LUC7L3: variants seen among roughly 807,000 people sequenced by gnomAD.
LUC7L3 encodes the protein LUC7 like 3 pre-mRNA splicing factor, also known as luc7-like protein 3.
A neutral mutation model predicts 66.8 loss-of-function variants in LUC7L3; 6 were observed. That is an observed-to-expected ratio of 0.09 (90% CI 0.05 to 0.18). LUC7L3 has a LOEUF of 0.18. Among genes scored for constraint, LUC7L3 ranks in the 10% least tolerant of loss-of-function variants. The probability of loss-of-function intolerance (pLI) is 1.00; values close to 1 mark genes in which losing one functional copy is unlikely to be tolerated. For missense variants in LUC7L3, 341 were observed against 531.1 expected, an observed-to-expected ratio of 0.64 and a Z score of 3.52; for synonymous variants, 160 against 174.7, an observed-to-expected ratio of 0.92 and a Z score of 0.66.
chr17:50,732,335 A>G (rs1234222372), intron 1 of LUC7L3, among the ~76,000 whole-genome samples: 2 of 152,112 alleles, frequency 1.3e-5, no homozygotes, highest in African/African-American at 2.4e-5. Flanking sequence ...TTTTCTTCCA[A>G]TTTAGCAAAT....
intron 1 of LUC7L3, among the ~76,000 whole-genome samples, chr17:50,732,139 A>G (rs2146717193): frequency 6.6e-6 from 1 of 152,294 alleles, no homozygotes; most frequent in Middle Eastern, 3.4e-3. Flanking sequence ...TGTTAAGTAC[A>G]AAATCATCGA....
intron 5 of LUC7L3, among the ~76,000 whole-genome samples, chr17:50,742,872 A>G (rs908827362): frequency 5.3e-5 from 8 of 152,234 alleles, no homozygotes; most frequent in East Asian, 1.9e-4. Flanking sequence ...TGATGTATCT[A>G]TATGGTGGAA....
At chr17:50,741,324 CTT>C in intron 4 of LUC7L3, 78 bp downstream of exon 4, 2 of 1,392,664 alleles carry the variant, frequency 1.4e-6, no homozygotes, top group Non-Finnish European at 2.0e-6. Flanking sequence ...ATTTTTGAAA[CTT>C]GTCTTCTGTT....
Position 50,751,816 on chromosome 17 carries a change from A to G in LUC7L3, c.*1155A>G, listed in dbSNP as rs1970985993. On this transcript the variant is annotated 3_prime_UTR_variant, in exon 10 of 10. Transcript: ENST00000505658. The stretch of plus-strand genomic sequence containing the variant: ...AAATCAAAGAACTGATGCACTATAT[A>G]GAACGAATTTGGGTTTTTAAAGAAA... The G allele has an allele frequency of 9.8e-7, 1 of 1,017,088 alleles. No individual in the cohort carries two copies. Among genetic ancestry groups the G allele is most frequent in the African/African-American group, 1.7e-5 (1 of 57,550 alleles). 63.0% of individuals were successfully genotyped at this position (1,017,088 alleles called of 1,614,324 possible).
At chr17:50,726,994 C>T (rs1413177415) in intron 1 of LUC7L3, among the ~76,000 whole-genome samples, 1 of 151,976 alleles carries the variant, frequency 6.6e-6, no homozygotes, top group Non-Finnish European at 1.5e-5. Context: ...GAGGCTGAGG[C>T]AGGAGAATTT....
At chr17:50,746,304 GTTTTAA>G (rs1567876834) in intron 8 of LUC7L3, among the ~76,000 whole-genome samples, 1 of 152,166 alleles carries the variant, frequency 6.6e-6, no homozygotes, top group Non-Finnish European at 1.5e-5. Context: ...CAGCCATACT[GTTTTAA>G]TTATAATTAC....
In LUC7L3 at chr17:50,751,394, A is replaced by G; in HGVS notation, c.*733A>G. On this transcript the variant is annotated 3_prime_UTR_variant, in exon 10 of 10. Transcript: ENST00000505658. ...ATGCCAGGTACTCCTTTCTCTACCC[A>G]CATCCATGTTTGAATGCTATTGCCT... 1.5e-6 allele frequency: 2 copies of G among 1,291,272 alleles called. No homozygotes were observed. Among genetic ancestry groups the G allele is most frequent in the Non-Finnish European group, 2.0e-6 (2 of 990,002 alleles). 80.0% of individuals were successfully genotyped at this position (1,291,272 alleles called of 1,614,324 possible). A position where few individuals can be genotyped will look rare whatever the true frequency, so the allele number is the denominator to read the frequency against.
At chr17:50,745,384 T>C (rs1970604004) in intron 7 of LUC7L3, among the ~76,000 whole-genome samples, 1 of 152,224 alleles carries the variant, frequency 6.6e-6, no homozygotes, top group Non-Finnish European at 1.5e-5. Flanking sequence ...AACTATATTC[T>C]AATATGGCTT....
intron 1 of LUC7L3, among the ~76,000 whole-genome samples, chr17:50,720,282 A>G (rs1968658487): frequency 6.6e-6 from 1 of 152,272 alleles, no homozygotes; most frequent in Non-Finnish European, 1.5e-5. Context: ...CATGACGCTT[A>G]TACGGGGAAA....
chr17:50,755,480 GT>G lies in LUC7L3; in HGVS notation c.*4820del, dbSNP rs1382764181. On this transcript the variant is annotated 3_prime_UTR_variant, in exon 10 of 10. Coordinates refer to ENST00000505658, the MANE Select transcript of LUC7L3 (RefSeq NM_016424.5). ...TGTAGTTTTAAAAAGTACATTTCAAGTAAGCCAAAGCAGAGAAGTAAATGTA... is the reference window on the plus strand; with the variant it reads ...TGTAGTTTTAAAAAGTACATTTCAAGAAGCCAAAGCAGAGAAGTAAATGTA... 6.6e-6 allele frequency: 1 copy of G among 152,216 alleles called. No homozygotes were observed. The highest frequency in any genetic ancestry group is 1.5e-5 in the Non-Finnish European group (1 of 68,038). The allele number at this position is 152,216 out of a possible 1,614,324, so 9.4% of individuals were successfully genotyped here. A position where few individuals can be genotyped will look rare whatever the true frequency, so the allele number is the denominator to read the frequency against.
At chr17:50,728,131 A>G (rs886272030) in intron 1 of LUC7L3, among the ~76,000 whole-genome samples, 2 of 151,906 alleles carry the variant, frequency 1.3e-5, no homozygotes, top group African/African-American at 4.8e-5. Context: ...AAAAAAAAAA[A>G]AAAGTTTTTA....
intron 1 of LUC7L3, among the ~76,000 whole-genome samples, chr17:50,731,791 GATT>G (rs980701056): frequency 4.6e-5 from 7 of 152,154 alleles, no homozygotes; most frequent in Non-Finnish European, 8.8e-5. Flanking sequence ...GATTGGACTA[GATT>G]AGGTAGCTTC....
intron 1 of LUC7L3, among the ~76,000 whole-genome samples, chr17:50,727,827 C>T (rs28379483): frequency 3.7e-4 from 56 of 151,910 alleles, no homozygotes; most frequent in African/African-American, 1.2e-3. Flanking sequence ...TTTTATAGGC[C>T]GGGCGTGGTG....
intron 1 of LUC7L3, among the ~76,000 whole-genome samples, chr17:50,724,779 C>T (rs1310375881): frequency 2.7e-5 from 4 of 148,562 alleles, no homozygotes; most frequent in African/African-American, 5.0e-5. Flanking sequence ...TTTTTACCCC[C>T]GAGATGGAGT....
At chr17:50,733,245 T>C (rs1567863610) in intron 1 of LUC7L3, among the ~76,000 whole-genome samples, 1 of 137,562 alleles carries the variant, frequency 7.3e-6, no homozygotes, top group East Asian at 2.0e-4. Context: ...ATAGTAAAAC[T>C]TTGTTTTTTT....
Position 50,750,737 on chromosome 17 carries a change from T to C in LUC7L3, c.*76T>C. The stretch of plus-strand genomic sequence containing the variant: ...CACTTTGATTAGGGCTTTTTGTTAC[T>C]GTTTGACAGTGCAGCGTAAGTATGC... On this transcript the variant is annotated 3_prime_UTR_variant, in exon 10 of 10. Coordinates refer to ENST00000505658, the MANE Select transcript of LUC7L3 (RefSeq NM_016424.5). The C allele has an allele frequency of 6.2e-7, 1 of 1,612,368 alleles. No individual in the cohort carries two copies. The highest frequency in any genetic ancestry group is 8.5e-7 in the Non-Finnish European group (1 of 1,179,402).
At chr17:50,728,030 A>G (rs1204916766) in intron 1 of LUC7L3, among the ~76,000 whole-genome samples, 2 of 151,900 alleles carry the variant, frequency 1.3e-5, no homozygotes, top group Admixed American at 6.6e-5. Context: ...AGACGGGAGA[A>G]TGGCGTGAAC....
At chr17:50,738,888 A>G (rs191985700) in intron 2 of LUC7L3, among the ~76,000 whole-genome samples, 1 of 152,276 alleles carries the variant, frequency 6.6e-6, no homozygotes, top group East Asian at 1.9e-4. Context: ...GTGAAATTTT[A>G]GAACACGGGG....
chr17:50,741,676 A>G lies in LUC7L3; in HGVS notation c.371A>G (p.Lys124Arg), dbSNP rs768112492. 2 of 1,613,980 alleles carry G rather than the reference A, an allele frequency of 1.2e-6. No individual in the cohort carries two copies. Among genetic ancestry groups the G allele is most frequent in the Non-Finnish European group, 1.7e-6 (2 of 1,179,868 alleles). The change falls in exon 5 of 10, where the codon AAA (lysine) becomes AGA (arginine). Residue 124 changes from lysine (K) to arginine (R), a missense_variant. Physicochemically the swap from Lys to Arg is conservative, Grantham distance 26. Transcript: ENST00000505658. ...CAATAGGCCGCTGGCCCAACAGGCA[A>G]AAATGAAGAAAAAATTCAGGTTCTA... ...QSSGAAGPTG[K>R]NEEKIQVLTD...
Sources: gnomAD v4.1 joint callset for allele counts (sites outside exome capture counted in the v4.1 genomes callset) on GRCh38, gnomAD v4.1.1 for gene constraint, MANE v1.5 for transcripts, NCBI Gene and HGNC (gene_info 2026-07-23, HGNC 2026-07-21) for gene names.